LTBP1: variants seen among roughly 807,000 people sequenced by gnomAD.
The protein encoded by LTBP1 is latent transforming growth factor beta binding protein 1.
Under a neutral mutation model 207.6 loss-of-function variants are expected in LTBP1, and 129 were observed. The ratio of observed to expected loss-of-function variants is 0.62; its 90% CI spans 0.54 to 0.72. LTBP1 has a LOEUF of 0.72. Among genes scored for constraint, LTBP1 ranks in the 30% least tolerant of loss-of-function variants. The pLI, the probability that LTBP1 is intolerant of heterozygous loss-of-function variation, is 0.00. For missense variants in LTBP1, 2,281 were observed against 2,217.2 expected, an observed-to-expected ratio of 1.03 and a Z score of -0.58; for synonymous variants, 963 against 833.7, an observed-to-expected ratio of 1.16 and a Z score of -2.67.
chr2:33,238,423 T>G (rs1212646484), intron 9 of LTBP1, among the ~76,000 whole-genome samples: 1 of 152,244 alleles, frequency 6.6e-6, no homozygotes. Context: ...AGGGCACTTG[T>G]GCTGTTCGTA....
chr2:33,382,734 C>A (rs1358668251), intron 31 of LTBP1, among the ~76,000 whole-genome samples: 1 of 152,168 alleles, frequency 6.6e-6, no homozygotes, highest in Non-Finnish European at 1.5e-5. Flanking sequence ...CGTGTCCAGA[C>A]CAAGAAACTA....
At chr2:33,275,747 G>T (rs2093412706) in intron 17 of LTBP1, 54 bp from the exon 18 acceptor site, 6 of 1,609,012 alleles carry the variant, frequency 3.7e-6, no homozygotes, top group Admixed American at 3.3e-5. Flanking sequence ...GATGGGAGAG[G>T]TTTGAAACAG....
chr2:32,953,272 G>A (rs912022519), intron 2 of LTBP1, among the ~76,000 whole-genome samples: 1 of 152,336 alleles, frequency 6.6e-6, no homozygotes, highest in Non-Finnish European at 1.5e-5. Flanking sequence ...GTGACCTAGA[G>A]AACGGTCTCA....
At chr2:33,133,646 CA>C (rs1401386102) in intron 4 of LTBP1, among the ~76,000 whole-genome samples, 1 of 152,142 alleles carries the variant, frequency 6.6e-6, no homozygotes, top group African/African-American at 2.4e-5. Context: ...CGTCATAGCA[CA>C]AAAGCAGCCA....
chr2:33,364,173 T>C (rs778859850), intron 29 of LTBP1, 43 bp from the exon 30 acceptor site: 1 of 1,603,708 alleles, frequency 6.2e-7, no homozygotes, highest in Admixed American at 1.7e-5. Flanking sequence ...GAGGTACAAC[T>C]GATGGCTGAT....
At chr2:33,269,965 C>CTT (rs35142617) in intron 15 of LTBP1, among the ~76,000 whole-genome samples, 103 of 129,800 alleles carry the variant, frequency 7.9e-4, no homozygotes, top group African/African-American at 2.5e-3. Flanking sequence ...TGATATTCAA[C>CTT]TTTTTTTTTT....
intron 24 of LTBP1, among the ~76,000 whole-genome samples, chr2:33,339,101 G>A (rs1161016667): frequency 6.6e-6 from 1 of 152,002 alleles, no homozygotes; most frequent in Non-Finnish European, 1.5e-5. Context: ...ATGAGTATCA[G>A]GAAAGATAGT....
chr2:33,112,484 C>G (rs1309334671), intron 4 of LTBP1, among the ~76,000 whole-genome samples: 1 of 152,122 alleles, frequency 6.6e-6, no homozygotes, highest in Non-Finnish European at 1.5e-5. Context: ...GACTAATATA[C>G]ATTATCACAG....
intron 3 of LTBP1, among the ~76,000 whole-genome samples, chr2:33,025,279 G>C (rs547411037): frequency 6.6e-6 from 1 of 152,100 alleles, no homozygotes; most frequent in African/African-American, 2.4e-5. Context: ...CAAAGAATTC[G>C]TGGACATATT....
intron 7 of LTBP1, among the ~76,000 whole-genome samples, chr2:33,196,263 G>T (rs1184340845): frequency 6.6e-6 from 1 of 152,046 alleles, no homozygotes; most frequent in Non-Finnish European, 1.5e-5. Context: ...GGTGATCATT[G>T]TATTATCCTT....
intron 4 of LTBP1, among the ~76,000 whole-genome samples, chr2:33,125,222 A>G (rs2081359468): frequency 6.6e-6 from 1 of 152,252 alleles, no homozygotes; most frequent in African/African-American, 2.4e-5. Context: ...AAGGGCTTGC[A>G]TTAAAATCCC....
chr2:33,056,745 G>A (rs2077020041), intron 3 of LTBP1, among the ~76,000 whole-genome samples: 1 of 152,032 alleles, frequency 6.6e-6, no homozygotes, highest in Admixed American at 6.5e-5. Context: ...TAAAGGCAGT[G>A]TGGACCCAAA....
intron 31 of LTBP1, among the ~76,000 whole-genome samples, chr2:33,366,012 C>T (rs543809794): frequency 6.6e-6 from 1 of 152,284 alleles, no homozygotes; most frequent in African/African-American, 2.4e-5. Context: ...AACAAATCTC[C>T]TTTCCTTTCA....
At chr2:33,088,817 A>G (rs894180971) in intron 3 of LTBP1, among the ~76,000 whole-genome samples, 1 of 152,232 alleles carries the variant, frequency 6.6e-6, no homozygotes, top group African/African-American at 2.4e-5. Context: ...TGACAAGAAT[A>G]TATCATTTAA....
chr2:32,952,751 C>T (rs938041942), intron 2 of LTBP1, among the ~76,000 whole-genome samples: 3 of 152,028 alleles, frequency 2.0e-5, no homozygotes, highest in Admixed American at 6.6e-5. Flanking sequence ...GAGACATTGC[C>T]GGTAGGCTCA....
chr2:33,310,094 C>T (rs1468044011), intron 23 of LTBP1, among the ~76,000 whole-genome samples: 1 of 151,964 alleles, frequency 6.6e-6, no homozygotes, highest in Non-Finnish European at 1.5e-5. Context: ...ATTACAGGCG[C>T]CTGCCACCAC....
chr2:33,214,265 G>T (rs1037108727), intron 7 of LTBP1, among the ~76,000 whole-genome samples: 1 of 152,154 alleles, frequency 6.6e-6, no homozygotes, highest in African/African-American at 2.4e-5. Flanking sequence ...CCAGTCTTAG[G>T]CCTGGGTCAT....
At chr2:33,144,332 C>T (rs1266782498) in intron 5 of LTBP1, among the ~76,000 whole-genome samples, 1 of 152,106 alleles carries the variant, frequency 6.6e-6, no homozygotes, top group Admixed American at 6.5e-5. Flanking sequence ...AGACCTTGCA[C>T]AAAAATAATA....
chr2:33,172,878 A>G (rs1334157693), intron 5 of LTBP1, among the ~76,000 whole-genome samples: 1 of 152,202 alleles, frequency 6.6e-6, no homozygotes, highest in African/African-American at 2.4e-5. Flanking sequence ...CTACATGGAA[A>G]CTGAACAACC....
Sources: gnomAD v4.1 joint callset for allele counts (sites outside exome capture counted in the v4.1 genomes callset) on GRCh38, gnomAD v4.1.1 for gene constraint, MANE v1.5 for transcripts, NCBI Gene and HGNC (gene_info 2026-07-23, HGNC 2026-07-21) for gene names.